The following CNOT9 variants were observed in gnomAD, a reference collection of about 807,000 sequenced individuals.
CNOT9 encodes CCR4-NOT transcription complex subunit 9, also known as RCD1 required for cell differentiation1 homolog.
Under a neutral mutation model 37.4 loss-of-function variants are expected in CNOT9, and 8 were observed. The observed-to-expected ratio is 0.21, with a 90% CI of 0.13 to 0.39. The LOEUF is 0.39. Ranked by LOEUF, CNOT9 falls within the 10% of genes least tolerant of loss-of-function variation. The pLI, the probability that CNOT9 is intolerant of heterozygous loss-of-function variation, is 1.00. For synonymous variants in CNOT9, 120 were observed against 137.6 expected, an observed-to-expected ratio of 0.87 and a Z score of 0.90; for missense variants, 154 against 365.3, an observed-to-expected ratio of 0.42 and a Z score of 4.71.
intron 7 of CNOT9, chr2:218,593,860 A>G (rs774180111): frequency 2.2e-5 from 27 of 1,217,226 alleles, no homozygotes; most frequent in Non-Finnish European, 2.8e-5. Context: ...AAACTATTGA[A>G]CCTTTTAATT....
intron 5 of CNOT9, among the ~76,000 whole-genome samples, chr2:218,591,918 G>A (rs1189805604): frequency 6.6e-6 from 1 of 152,050 alleles, no homozygotes; most frequent in Non-Finnish European, 1.5e-5. Flanking sequence ...TTAACCTGGT[G>A]CATTATTGAT....
intron 1 of CNOT9, among the ~76,000 whole-genome samples, chr2:218,569,346 C>T (rs1693873701): frequency 6.6e-6 from 1 of 152,198 alleles, no homozygotes; most frequent in South Asian, 2.1e-4. Context: ...GCGGCCCCTG[C>T]TCTTAGAACT....
chr2:218,569,403 G>A (rs527372871), intron 1 of CNOT9, among the ~76,000 whole-genome samples: 280 of 152,270 alleles, frequency 1.8e-3, no homozygotes, highest in African/African-American at 6.6e-3. Context: ...CAAACCACTT[G>A]CTTTATTTAT....
rs1313455352 is a variant in CNOT9, at chr2:218,589,688, G to GTAGCCACTGAATAGCCA, written c.540+1994_540+1995insAGCCACTGAATAGCCAT. ...ACTATGTTGCCCAGGCTGGAATGCA[G>GTAGCCACTGAATAGCCA]TGGCTATTCACAGCCATGATAATGG... On this transcript the variant is annotated intron_variant, in intron 5 of 7. Transcript: ENST00000273064. 6.6e-5 allele frequency among the ~76,000 whole-genome samples: 10 copies of GTAGCCACTGAATAGCCA among 152,284 alleles called. No individual in the cohort carries two copies. In the East Asian group the frequency reaches 1.9e-3, roughly 29 times the overall value.
At chr2:218,580,800 A>G (rs1020617473) in intron 2 of CNOT9, 60 bp downstream of exon 2, 13 of 1,448,336 alleles carry the variant, frequency 9.0e-6, no homozygotes, top group Non-Finnish European at 1.0e-5. Context: ...ATATTTCTTT[A>G]CCTTTGCCCA....
chr2:218,570,754 A>G (rs1437611425), intron 1 of CNOT9, among the ~76,000 whole-genome samples: 5 of 152,144 alleles, frequency 3.3e-5, no homozygotes, highest in South Asian at 2.1e-4. Flanking sequence ...TTTATTTTCA[A>G]TTGCTCCCTA....
chr2:218,592,922 T>G lies in CNOT9; in HGVS notation c.731+215T>G, dbSNP rs553919822. 1.4e-5 allele frequency: 8 copies of G among 561,292 alleles called. No individual in the cohort carries two copies. Among genetic ancestry groups the G allele is most frequent in the African/African-American group, 1.3e-4 (7 of 53,072 alleles). The allele number at this position is 561,292 out of a possible 1,614,324, so 34.8% of individuals were successfully genotyped here. ...TTCTCACTGTAACTCTCCATCCTAC[T>G]GTGAAATTCCAGAGAGTCTAGGCGA... On this transcript the variant is annotated intron_variant, in intron 7 of 7. Transcript: ENST00000273064. This position sits in a 1 kb window ranked among gnomAD's most constrained non-coding sequence, Gnocchi z 4.1.
chr2:218,592,430 A>G lies in CNOT9; in HGVS notation c.639+28A>G. 6.4e-7 allele frequency: 1 copy of G among 1,567,666 alleles called. No homozygotes were observed. Among genetic ancestry groups the G allele is most frequent in the Non-Finnish European group, 8.8e-7 (1 of 1,137,786 alleles). ...GAGTTCTTTCATCTATCCCCTTTACAACTACTTCTCATCACAAAGCTTAAT... is the reference window on the plus strand; with the variant it reads ...GAGTTCTTTCATCTATCCCCTTTACGACTACTTCTCATCACAAAGCTTAAT... On this transcript the variant is annotated intron_variant, in intron 6 of 7. Transcript: ENST00000273064. This position sits in a 1 kb window ranked among gnomAD's most constrained non-coding sequence, Gnocchi z 4.1.
chr2:218,586,434 G>A (rs1316845101), intron 4 of CNOT9, among the ~76,000 whole-genome samples: 2 of 151,962 alleles, frequency 1.3e-5, no homozygotes, highest in African/African-American at 4.8e-5. Flanking sequence ...CTACAAGCCA[G>A]GAAGAGAGAC....
chr2:218,581,170 CTTTT>C (rs5838702), intron 2 of CNOT9: 303 of 245,240 alleles, frequency 1.2e-3, no homozygotes, highest in Middle Eastern at 2.9e-3. Context: ...GTTTGTTTTT[CTTTT>C]TTTTTTTTTT....
chr2:218,569,136 G>C (rs893051425), intron 1 of CNOT9, among the ~76,000 whole-genome samples, 158 bp downstream of exon 1: 7 of 152,194 alleles, frequency 4.6e-5, no homozygotes, highest in African/African-American at 1.7e-4. Context: ...TTTGGTTGTG[G>C]TGGAGCCGGC....
rs1260064158 is a variant in CNOT9, at chr2:218,595,524, C to CT, written c.*1250dup. ...GTCAGAGATTTCCTCTTCTCTGGAG[C>CT]TTAGGTGGCTCTTCACAATCCATAG... On this transcript the variant is annotated 3_prime_UTR_variant, in exon 8 of 8. Transcript: ENST00000273064. 2 of 144,264 alleles carry CT rather than the reference C, an allele frequency of 1.4e-5. No homozygotes were observed. The highest frequency in any genetic ancestry group is 2.5e-5 in the African/African-American group (1 of 39,302). 8.9% of individuals were successfully genotyped at this position (144,264 alleles called of 1,614,324 possible). A position where few individuals can be genotyped will look rare whatever the true frequency, so the allele number is the denominator to read the frequency against.
chr2:218,574,948 A>G lies in CNOT9; in HGVS notation c.25-5613A>G, dbSNP rs1314657903. On this transcript the variant is annotated intron_variant, in intron 1 of 7. Coordinates refer to ENST00000273064, the MANE Select transcript of CNOT9 (RefSeq NM_005444.3). ...TTTTATTGTATGCAAATTATACGTC[A>G]AAGTTTTTTTTTTAAAAAAAGAGCC... 3.3e-5 allele frequency among the ~76,000 whole-genome samples: 5 copies of G among 152,176 alleles called. No individual in the cohort carries two copies. The East Asian group carries it at 7.7e-4, about 23-fold the overall frequency.
intron 4 of CNOT9, among the ~76,000 whole-genome samples, chr2:218,585,430 G>A (rs957408934): frequency 2.0e-5 from 3 of 151,200 alleles, no homozygotes; most frequent in East Asian, 1.9e-4. Flanking sequence ...AAAATCAGCC[G>A]GGCGTGGTGG....
chr2:218,580,696 C>T lies in CNOT9; in HGVS notation c.160C>T (p.Pro54Ser), dbSNP rs750409757. 5 of 1,614,124 alleles carry T rather than the reference C, an allele frequency of 3.1e-6. No individual in the cohort carries two copies. Among genetic ancestry groups the T allele is most frequent in the Non-Finnish European group, 3.4e-6 (4 of 1,180,014 alleles). ...KKRESVPDLAPMLWHSFGTIA... is the reference protein window; with the variant it reads ...KKRESVPDLASMLWHSFGTIA... Reference sequence around the variant, plus strand: ...GCGAGAATCTGTTCCTGACCTTGCACCCATGCTGTGGCATTCATTTGGTAC... The same window carrying T: ...GCGAGAATCTGTTCCTGACCTTGCATCCATGCTGTGGCATTCATTTGGTAC... Residue 54 changes from proline (P) to serine (S), a missense_variant, in exon 2 of 8, where the codon CCC becomes TCC. Around this residue, in one of 2 missense-constraint regions of CNOT9, gnomAD observed 117 missense variants for 325.4 expected, o/e 0.36. Coordinates refer to ENST00000273064, the MANE Select transcript of CNOT9 (RefSeq NM_005444.3).
Position 218,568,901 on chromosome 2 carries a change from GGGACGCGGGTC to G in CNOT9, c.-46_-36del, listed in dbSNP as rs1005377278. 24 of 1,585,144 alleles carry G rather than the reference GGGACGCGGGTC, an allele frequency of 1.5e-5. No homozygotes were observed. The African/African-American group carries it at 3.1e-4, about 20-fold the overall frequency. ...TTTCCGCTGCAGGGGTGCTGAAGGGGGGACGCGGGTCGGACGCGTCCGGCTGTGGAAGAGAG... is the reference window on the plus strand; with the variant it reads ...TTTCCGCTGCAGGGGTGCTGAAGGGGGGACGCGTCCGGCTGTGGAAGAGAG... On this transcript the variant is annotated 5_prime_UTR_variant, in exon 1 of 8. Transcript: ENST00000273064.
chr2:218,584,962 A>C (rs944401371), intron 4 of CNOT9, among the ~76,000 whole-genome samples: 5 of 152,248 alleles, frequency 3.3e-5, no homozygotes, highest in African/African-American at 1.2e-4. Flanking sequence ...ATATGTGGAA[A>C]CATTTGCTGG....
chr2:218,588,587 C>CTTTTT (rs1173246487), intron 5 of CNOT9, among the ~76,000 whole-genome samples: 1 of 36,318 alleles, frequency 2.8e-5, no homozygotes, highest in African/African-American at 8.5e-5. Context: ...CTCCACCCGG[C>CTTTTT]CTTTTTTTTT....
chr2:218,581,049 A>T, intron 2 of CNOT9: 1 of 507,344 alleles, frequency 2.0e-6, no homozygotes, highest in Non-Finnish European at 3.8e-6. Context: ...CCGCTTTAGG[A>T]GTACTGTAAG....
Sources: gnomAD v4.1 joint callset for allele counts (sites outside exome capture counted in the v4.1 genomes callset) on GRCh38, gnomAD v4.1.1 for gene constraint, gnomAD v4.1.1 regional missense constraint, Gnocchi (gnomAD v3.1) non-coding constraint, MANE v1.5 for transcripts, NCBI Gene and HGNC (gene_info 2026-07-23, HGNC 2026-07-21) for gene names.